Variants in NAV3 observed in about 807,000 individuals in gnomAD.
NAV3 encodes the protein neuron navigator 3, also known as pore membrane and/or filament interacting like protein 1.
NAV3 carries 87 observed loss-of-function variants against 244.7 expected under a neutral mutation model. The ratio of observed to expected loss-of-function variants is 0.36; its 90% CI spans 0.30 to 0.42. NAV3 has a LOEUF of 0.42. NAV3 is among the 20% of genes least tolerant of loss of function. The pLI is 1.00. For missense variants in NAV3, 2,663 were observed against 2,893.3 expected (o/e 0.92, Z 1.83); for synonymous variants, 1,126 against 1,042.2 (o/e 1.08, Z -1.55).
At chr12:78,188,199 A>AAAAG (rs1958812116) in intron 31 of NAV3, 49 bp from the exon 32 acceptor site, 1 of 1,364,296 alleles carries the variant, frequency 7.3e-7, no homozygotes, top group South Asian at 1.2e-5. Context: ...GTAGTAATAA[A>AAAAG]AAAGATACAC....
intron 2 of NAV3, among the ~76,000 whole-genome samples, chr12:77,627,839 G>A (rs902549005): frequency 2.0e-5 from 3 of 152,108 alleles, no homozygotes; most frequent in Non-Finnish European, 2.9e-5. Flanking sequence ...ATGGTAAACC[G>A]TTAAGCCATT....
chr12:77,716,797 A>G (rs1490579079), intron 2 of NAV3, among the ~76,000 whole-genome samples: 3 of 151,968 alleles, frequency 2.0e-5, no homozygotes, highest in Non-Finnish European at 1.5e-5. Flanking sequence ...TTATTTTCTT[A>G]CCTATAAAAA....
chr12:77,686,982 T>C (rs1874783594), intron 2 of NAV3, among the ~76,000 whole-genome samples: 3 of 151,882 alleles, frequency 2.0e-5, no homozygotes, highest in Admixed American at 6.6e-5. Context: ...GGGGTCTTTT[T>C]TCCATAACAA....
intron 19 of NAV3, 69 bp downstream of exon 19, chr12:78,137,434 C>T: frequency 7.1e-7 from 1 of 1,412,512 alleles, no homozygotes. Context: ...CATTGTGTCA[C>T]TCACATCACA....
intron 2 of NAV3, among the ~76,000 whole-genome samples, chr12:77,582,103 C>G (rs911169690): frequency 1.2e-4 from 19 of 152,298 alleles, no homozygotes; most frequent in Admixed American, 8.5e-4. Flanking sequence ...TACAACTCAC[C>G]AGGTTGCATC....
intron 12 of NAV3, among the ~76,000 whole-genome samples, chr12:78,104,574 A>G (rs1018962914): frequency 6.6e-6 from 1 of 152,148 alleles, no homozygotes; most frequent in Admixed American, 6.5e-5. Context: ...TCTAAAAACT[A>G]AAAGGCATGC....
intron 9 of NAV3, chr12:78,036,850 C>A: frequency 1.5e-6 from 1 of 672,728 alleles, no homozygotes; most frequent in Non-Finnish European, 2.7e-6. Context: ...AAGGAAGGAG[C>A]CACTGGAAGA....
chr12:77,648,755 A>C (rs557051269), intron 2 of NAV3, among the ~76,000 whole-genome samples: 2 of 152,212 alleles, frequency 1.3e-5, no homozygotes, highest in Admixed American at 6.5e-5. Flanking sequence ...GATTGTTTTT[A>C]ATGGTAATTT....
At chr12:77,773,369 T>C (rs193225776) in intron 2 of NAV3, among the ~76,000 whole-genome samples, 6 of 152,270 alleles carry the variant, frequency 3.9e-5, no homozygotes, top group East Asian at 3.9e-4. Flanking sequence ...ACATCTTCCA[T>C]TGGAAAAACT....
At chr12:78,133,910 A>G (rs886447944) in intron 18 of NAV3, among the ~76,000 whole-genome samples, 6 of 152,190 alleles carry the variant, frequency 3.9e-5, no homozygotes, top group Admixed American at 3.9e-4. Flanking sequence ...AAGAATTTCT[A>G]AATAGAAGAG....
chr12:78,059,519 C>T (rs760858951), intron 12 of NAV3, among the ~76,000 whole-genome samples: 4 of 152,032 alleles, frequency 2.6e-5, no homozygotes, highest in Non-Finnish European at 4.4e-5. Flanking sequence ...CATCTCTTGA[C>T]CTTGTGATCC....
Position 77,831,193 on chromosome 12 carries a change from G to GAA in NAV3, c.-268_-267insAA, listed in dbSNP as rs1380326772. The GAA allele has an allele frequency of 2.3e-5, 2 of 85,824 alleles. No homozygotes were observed. The highest frequency in any genetic ancestry group is 8.4e-5 in the African/African-American group (2 of 23,894). 5.3% of individuals were successfully genotyped at this position (85,824 alleles called of 1,614,324 possible). On this transcript the variant is annotated 5_prime_UTR_variant, in exon 1 of 40. Transcript: ENST00000397909. The stretch of plus-strand genomic sequence containing the variant: ...ACAGAGAGAGAGAGAGAGAGAGAGA[G>GAA]ACAGAGAGAGAGAGAGAGAGAGAGA...
intron 2 of NAV3, among the ~76,000 whole-genome samples, chr12:77,763,657 T>G (rs935664077): frequency 2.0e-5 from 3 of 151,826 alleles, no homozygotes; most frequent in Non-Finnish European, 4.4e-5. Context: ...TTTTGTGTAG[T>G]TCTCTGAAGG....
chr12:77,781,622 C>T (rs1302076643), intron 2 of NAV3, among the ~76,000 whole-genome samples: 1 of 152,144 alleles, frequency 6.6e-6, no homozygotes, highest in Non-Finnish European at 1.5e-5. Context: ...ATGTACCCGA[C>T]CACCTTGGGC....
chr12:77,786,826 A>G (rs1056948779), intron 2 of NAV3, among the ~76,000 whole-genome samples: 2 of 152,046 alleles, frequency 1.3e-5, no homozygotes, highest in African/African-American at 4.8e-5. Flanking sequence ...AAGGCCTTGA[A>G]GCCCACATTG....
Position 78,211,533 on chromosome 12 carries a change from ATCGCTTTGCCTATCC to A in NAV3, c.*1019_*1033del, listed in dbSNP as rs1327845592. ...TCAGTATTTTTAGCCTTGTGAATAG[ATCGCTTTGCCTATCC>A]TCCAAAATATTAAAATAACCCAGAA... On this transcript the variant is annotated 3_prime_UTR_variant, in exon 40 of 40. Coordinates refer to ENST00000397909, the MANE Select transcript of NAV3 (RefSeq NM_001024383.2). 7 of 150,230 alleles carry A rather than the reference ATCGCTTTGCCTATCC, an allele frequency of 4.7e-5. No individual in the cohort carries two copies. Among genetic ancestry groups the A allele is most frequent in the Non-Finnish European group, 3.0e-5 (2 of 67,758 alleles). The allele number at this position is 150,230 out of a possible 1,614,324, so 9.3% of individuals were successfully genotyped here.
At chr12:77,887,178 G>T (rs938589205) in intron 1 of NAV3, among the ~76,000 whole-genome samples, 1 of 152,056 alleles carries the variant, frequency 6.6e-6, no homozygotes, top group Non-Finnish European at 1.5e-5. Context: ...GAGAGTGAGG[G>T]TAGACTTAAA....
chr12:77,695,764 T>C (rs965441622), intron 2 of NAV3, among the ~76,000 whole-genome samples: 2 of 152,114 alleles, frequency 1.3e-5, no homozygotes, highest in Non-Finnish European at 2.9e-5. Flanking sequence ...TGAGACTTTC[T>C]CTCTGACCAG....
intron 34 of NAV3, among the ~76,000 whole-genome samples, chr12:78,192,601 C>T (rs979610598): frequency 2.1e-4 from 32 of 151,412 alleles, no homozygotes; most frequent in Admixed American, 1.8e-3. Flanking sequence ...TTAGTAGAGA[C>T]GGGGTTTCAC....
Sources: allele counts gnomAD v4.1 joint callset (sites outside exome capture counted in the v4.1 genomes callset), GRCh38; gene constraint gnomAD v4.1.1; transcripts MANE v1.5; gene names NCBI Gene and HGNC (gene_info 2026-07-23, HGNC 2026-07-21).